The following ART3 variants were observed in gnomAD, a reference collection of about 807,000 sequenced individuals.
ART3 encodes ecto-ADP-ribosyltransferase 3.
A neutral mutation model predicts 48.5 loss-of-function variants in ART3; 49 were observed. That is an observed-to-expected ratio of 1.01 (90% CI 0.80 to 1.28). The LOEUF is 1.28. ART3 is among the 50% of genes most tolerant of loss of function. ART3 has a pLI of 0.00. For synonymous variants in ART3, 145 were observed against 157.2 expected (o/e 0.92, Z 0.58); for missense variants, 438 against 454.3 (o/e 0.96, Z 0.33).
intron 8 of ART3, among the ~76,000 whole-genome samples, chr4:76,102,873 G>A (rs544705259): frequency 6.6e-6 from 1 of 151,972 alleles, no homozygotes; most frequent in Non-Finnish European, 1.5e-5. Context: ...CCAATTTTGG[G>A]TCGAGGTCTT....
intron 1 of ART3, chr4:76,012,255 C>G (rs1731871540): frequency 6.6e-6 from 1 of 152,112 alleles, no homozygotes; most frequent in Non-Finnish European, 1.5e-5. Context: ...TAAGAGCCTT[C>G]CCTTTTTACT....
At chr4:76,059,613 A>T (rs1719012844) in intron 1 of ART3, among the ~76,000 whole-genome samples, 1 of 152,170 alleles carries the variant, frequency 6.6e-6, no homozygotes, top group South Asian at 2.1e-4. Context: ...CCTTGTAGGT[A>T]GCTTAAAGGA....
chr4:76,112,154 G>A (rs116263577), intron 11 of ART3, among the ~76,000 whole-genome samples: 2,354 of 152,292 alleles, frequency 0.015, 54 homozygotes, highest in African/African-American at 0.053. Context: ...TTTTCATTGT[G>A]TGGGGGTTGG....
intron 1 of ART3, among the ~76,000 whole-genome samples, chr4:76,064,991 C>T (rs902297398): frequency 2.0e-5 from 3 of 152,104 alleles, no homozygotes; most frequent in African/African-American, 4.8e-5. Flanking sequence ...GCCACCATGC[C>T]TGGCTAATTT....
chr4:76,017,200 A>G (rs1005940132), intron 1 of ART3, among the ~76,000 whole-genome samples: 4 of 151,460 alleles, frequency 2.6e-5, no homozygotes, highest in Non-Finnish European at 5.9e-5. Flanking sequence ...TAAAGCCAGC[A>G]TATCTGAGTC....
At chr4:76,060,436 T>G (rs1487802751) in intron 1 of ART3, among the ~76,000 whole-genome samples, 1 of 152,212 alleles carries the variant, frequency 6.6e-6, no homozygotes, top group Admixed American at 6.5e-5. Context: ...TCTTGAAATC[T>G]TGTCTCTCTC....
chr4:76,034,491 T>C (rs919814411), intron 1 of ART3: 9 of 518,434 alleles, frequency 1.7e-5, no homozygotes, highest in African/African-American at 1.6e-4. Context: ...GAAAGCACTT[T>C]GTAAACTCCG....
intron 1 of ART3, chr4:76,041,328 A>G (rs1734953808): frequency 6.6e-6 from 1 of 152,076 alleles, no homozygotes; most frequent in Admixed American, 6.5e-5. Context: ...CCTATTTTTT[A>G]TATTTGTATA....
intron 1 of ART3, among the ~76,000 whole-genome samples, chr4:76,044,751 TTCTC>T (rs1190950721): frequency 6.6e-6 from 1 of 151,914 alleles, no homozygotes; most frequent in South Asian, 2.1e-4. Context: ...GACTTTCTCT[TTCTC>T]TCTTTCCTTC....
chr4:76,068,682 G>T (rs565760548), intron 1 of ART3, among the ~76,000 whole-genome samples: 2 of 152,150 alleles, frequency 1.3e-5, no homozygotes, highest in South Asian at 4.1e-4. Context: ...AATAACTGTT[G>T]TGTACTAGGC....
rs776125986 is a variant in ART3 at position 76,107,766 on chromosome 4, A to G, written c.1009A>G (p.Lys337Glu). The change falls in exon 11 of 12, where the codon AAA becomes GAA. Residue 337 changes from lysine (K) to glutamate (E), a missense_variant. Transcript: ENST00000355810. ...AAAATCTCTTTATATTTTAGAAGAT[A>G]AAAGTCAAGGAAATATCAACAATCC... ...IPEPFPLPED[K>E]SQGNINNPTP... The G allele has an allele frequency of 4.8e-6, 7 of 1,457,608 alleles. No homozygotes were observed. Among genetic ancestry groups the G allele is most frequent in the Non-Finnish European group, 6.5e-6 (7 of 1,068,716 alleles). 90.3% of individuals were successfully genotyped at this position (1,457,608 alleles called of 1,614,324 possible). A position where few individuals can be genotyped will look rare whatever the true frequency, so the allele number is the denominator to read the frequency against.
intron 1 of ART3, among the ~76,000 whole-genome samples, chr4:76,013,321 G>A (rs1366520538): frequency 6.6e-6 from 1 of 152,182 alleles, no homozygotes; most frequent in Non-Finnish European, 1.5e-5. Context: ...GGAGTGGTGA[G>A]AAATTGGTCT....
At chr4:76,104,744 A>G in intron 10 of ART3, 115 bp downstream of exon 10, 2 of 1,291,338 alleles carry the variant, frequency 1.5e-6, no homozygotes, top group Non-Finnish European at 2.2e-6. Flanking sequence ...AAATGTAGCC[A>G]TCAGTAGTCA....
chr4:76,027,882 A>G (rs1733546472), intron 1 of ART3, among the ~76,000 whole-genome samples: 1 of 151,252 alleles, frequency 6.6e-6, no homozygotes, highest in Non-Finnish European at 1.5e-5. Context: ...CATCCAGGGT[A>G]AGCATATTCT....
intron 3 of ART3, 141 bp from the exon 4 acceptor site, chr4:76,097,503 A>G: frequency 1.5e-6 from 1 of 670,080 alleles, no homozygotes; most frequent in Non-Finnish European, 2.6e-6. Context: ...CACCATGCCC[A>G]GCCTGCAATT....
chr4:76,041,825 T>C (rs986254932), intron 1 of ART3, among the ~76,000 whole-genome samples: 1 of 152,214 alleles, frequency 6.6e-6, no homozygotes, highest in Non-Finnish European at 1.5e-5. Flanking sequence ...AAACTAAAGC[T>C]GAGGTTGGAG....
intron 4 of ART3, among the ~76,000 whole-genome samples, 189 bp downstream of exon 4, chr4:76,097,865 A>G (rs1316278323): frequency 6.6e-6 from 1 of 152,070 alleles, no homozygotes; most frequent in Admixed American, 6.6e-5. Context: ...GCCAGTCCCC[A>G]CTGCCACCCT....
At chr4:76,085,246 G>C (rs988323055) in intron 3 of ART3, among the ~76,000 whole-genome samples, 7 of 152,188 alleles carry the variant, frequency 4.6e-5, no homozygotes, top group African/African-American at 1.7e-4. Context: ...CAAGTAAAGT[G>C]TGCAGTAGGC....
intron 3 of ART3, 115 bp from the exon 4 acceptor site, chr4:76,097,529 A>G: frequency 1.2e-6 from 1 of 856,974 alleles, no homozygotes; most frequent in Non-Finnish European, 1.9e-6. Flanking sequence ...CTTACTAATT[A>G]TGAGTCTGAT....
Sources: gnomAD v4.1 joint callset for allele counts (sites outside exome capture counted in the v4.1 genomes callset) on GRCh38, gnomAD v4.1.1 for gene constraint, MANE v1.5 for transcripts, NCBI Gene and HGNC (gene_info 2026-07-23, HGNC 2026-07-21) for gene names.